Variants in RAB3C observed in about 807,000 individuals in gnomAD.
RAB3C encodes the protein ras-related protein Rab-3C.
RAB3C carries 17 observed loss-of-function variants against 26.4 expected under a neutral mutation model. The ratio of observed to expected loss-of-function variants is 0.64; its 90% CI spans 0.44 to 0.97. RAB3C has a LOEUF of 0.97. RAB3C is among the 50% of genes least tolerant of loss of function. The pLI is 0.00. For synonymous variants in RAB3C, 91 were observed against 95.9 expected (o/e 0.95, Z 0.30); for missense variants, 242 against 281.9 (o/e 0.86, Z 1.01).
intron 1 of RAB3C, among the ~76,000 whole-genome samples, chr5:58,602,743 G>A (rs562332319): frequency 1.3e-5 from 2 of 152,266 alleles, no homozygotes; most frequent in African/African-American, 2.4e-5. Context: ...TGTTTTAGGG[G>A]AGTCTCCTAA....
chr5:58,839,531 C>T (rs1338073663), intron 4 of RAB3C, among the ~76,000 whole-genome samples: 2 of 151,828 alleles, frequency 1.3e-5, no homozygotes, highest in East Asian at 1.9e-4. Context: ...CCACCATGCC[C>T]GGCTAATTTT....
At chr5:58,619,182 C>T (rs938524875) in intron 2 of RAB3C, among the ~76,000 whole-genome samples, 1 of 152,266 alleles carries the variant, frequency 6.6e-6, no homozygotes, top group African/African-American at 2.4e-5. Context: ...ACTCTAGAGT[C>T]TTTCAAATCT....
chr5:58,816,811 A>G (rs1261529097), intron 3 of RAB3C, among the ~76,000 whole-genome samples: 1 of 152,188 alleles, frequency 6.6e-6, no homozygotes, highest in Non-Finnish European at 1.5e-5. Flanking sequence ...AGATGAAACT[A>G]GAAGCTAGAA....
intron 3 of RAB3C, among the ~76,000 whole-genome samples, chr5:58,751,712 T>G (rs754591312): frequency 6.6e-6 from 1 of 152,228 alleles, no homozygotes; most frequent in Non-Finnish European, 1.5e-5. Context: ...TCATATTACT[T>G]GAATGAAGAG....
chr5:58,655,112 T>G (rs948679326), intron 2 of RAB3C, among the ~76,000 whole-genome samples: 1 of 152,208 alleles, frequency 6.6e-6, no homozygotes, highest in African/African-American at 2.4e-5. Flanking sequence ...ACAGCTTTGC[T>G]CTCATGCCTC....
intron 3 of RAB3C, among the ~76,000 whole-genome samples, chr5:58,785,430 G>A (rs1321170309): frequency 7.2e-5 from 11 of 152,176 alleles, no homozygotes; most frequent in African/African-American, 2.7e-4. Flanking sequence ...GTAAAAATTT[G>A]CCCTACTTCT....
chr5:58,813,617 TATATATATATATATATACAC>T (rs57740958), intron 3 of RAB3C, among the ~76,000 whole-genome samples: 1,866 of 45,764 alleles, frequency 0.041, 78 homozygotes, highest in African/African-American at 0.15. Context: ...TATATATATA[TATATATATATATATATACAC>T]ACACACACAC....
chr5:58,704,075 T>C (rs964591470), intron 2 of RAB3C, among the ~76,000 whole-genome samples: 3 of 152,186 alleles, frequency 2.0e-5, no homozygotes, highest in African/African-American at 7.2e-5. Flanking sequence ...TGATTCCAAG[T>C]CCTAAGCCCT....
Position 58,726,022 on chromosome 5 carries a change from A to G in RAB3C, c.273A>G (p.Arg91=), listed in dbSNP as rs746644672. ...LQIWDTAGQE[R]YRTITTAYYR... ...TTTAGGACACAGCAGGCCAGGAAAG[A>G]TACAGGACTATCACCACAGCCTATT... The change falls in exon 3 of 5, where the codon AGA becomes AGG. Residue 91 remains arginine, a synonymous_variant. Coordinates refer to ENST00000282878, the MANE Select transcript of RAB3C (RefSeq NM_138453.4). 2 of 1,601,642 alleles carry G rather than the reference A, an allele frequency of 1.2e-6. No homozygotes were observed. Among genetic ancestry groups the G allele is most frequent in the East Asian group, 2.2e-5 (1 of 44,600 alleles).
At chr5:58,609,196 A>C (rs761460276) in intron 1 of RAB3C, among the ~76,000 whole-genome samples, 1 of 152,190 alleles carries the variant, frequency 6.6e-6, no homozygotes, top group Non-Finnish European at 1.5e-5. Context: ...AATAAAGAAA[A>C]GAAAAACCTG....
chr5:58,837,361 T>C (rs1163358096), intron 4 of RAB3C, among the ~76,000 whole-genome samples: 1 of 152,004 alleles, frequency 6.6e-6, no homozygotes, highest in Non-Finnish European at 1.5e-5. Context: ...TTTATATTTT[T>C]AGTAGAGATG....
intron 3 of RAB3C, among the ~76,000 whole-genome samples, chr5:58,805,273 G>A (rs1742910413): frequency 1.3e-5 from 2 of 151,920 alleles, no homozygotes; most frequent in South Asian, 2.1e-4. Context: ...TTAGAATTAA[G>A]AGCCAAATGG....
chr5:58,716,367 T>TA (rs34712082), intron 2 of RAB3C, among the ~76,000 whole-genome samples: 16 of 151,724 alleles, frequency 1.1e-4, no homozygotes, highest in Admixed American at 2.0e-4. Context: ...AAAGCCAAAG[T>TA]AAAAAAAACT....
rs911973966 is a variant in RAB3C, at chr5:58,855,430, T to C, written c.*4079T>C. 2 of 152,172 alleles carry C rather than the reference T, an allele frequency of 1.3e-5. No homozygotes were observed. Among genetic ancestry groups the C allele is most frequent in the Non-Finnish European group, 2.9e-5 (2 of 68,024 alleles). 9.4% of individuals were successfully genotyped at this position (152,172 alleles called of 1,614,324 possible). ...AGAACCCTTTCTCTCACAATTACAG[T>C]TTGCATGACTAGAACCCGGAACTCT... On this transcript the variant is annotated 3_prime_UTR_variant, in exon 5 of 5. Coordinates refer to ENST00000282878, the MANE Select transcript of RAB3C (RefSeq NM_138453.4).
chr5:58,771,849 C>CTTTTTTTTTTTTTTTTTTTT (rs540125417), intron 3 of RAB3C, among the ~76,000 whole-genome samples: 2 of 131,936 alleles, frequency 1.5e-5, no homozygotes, highest in African/African-American at 2.8e-5. Context: ...TTTTCTTTTT[C>CTTTTTTTTTTTTTTTTTTTT]TTTTTTTTTT....
rs187585557 is a variant in RAB3C at position 58,586,159 on chromosome 5, T to C, written c.24+2927T>C. On this transcript the variant is annotated intron_variant, in intron 1 of 4. Transcript: ENST00000282878. Reference sequence around the variant, plus strand: ...ACAATTTTTATATGTATATATACTATATAACAATCATACATATCTATGGAT... The same window carrying C: ...ACAATTTTTATATGTATATATACTACATAACAATCATACATATCTATGGAT... 5.3e-5 allele frequency among the ~76,000 whole-genome samples: 8 copies of C among 152,200 alleles called. No individual in the cohort carries two copies. The East Asian group carries it at 1.5e-3, about 29-fold the overall frequency.
rs191702959 is a variant in RAB3C, at chr5:58,851,968, T to C, written c.*617T>C. 6.6e-6 allele frequency: 1 copy of C among 152,296 alleles called. No homozygotes were observed. The highest frequency in any genetic ancestry group is 6.5e-5 in the Admixed American group (1 of 15,298). 9.4% of individuals were successfully genotyped at this position (152,296 alleles called of 1,614,324 possible). On this transcript the variant is annotated 3_prime_UTR_variant, in exon 5 of 5. Coordinates refer to ENST00000282878, the MANE Select transcript of RAB3C (RefSeq NM_138453.4). ...CTATAAAGAAATTGAAATGTTGTTT[T>C]TAAGGTCCTTGCAATTTTCCTAAGT...
At chr5:58,583,761 C>T (rs879672038) in intron 1 of RAB3C, among the ~76,000 whole-genome samples, 4 of 152,176 alleles carry the variant, frequency 2.6e-5, no homozygotes, top group Admixed American at 6.5e-5. Flanking sequence ...ATAGCAAACA[C>T]ATCGGGGCTT....
intron 4 of RAB3C, chr5:58,848,520 G>A (rs1447013011): frequency 6.6e-6 from 1 of 152,098 alleles, no homozygotes; most frequent in Non-Finnish European, 1.5e-5. Context: ...AGCAAATTAC[G>A]GAGCCATTTT....
Sources: gnomAD v4.1 joint callset for allele counts (sites outside exome capture counted in the v4.1 genomes callset) on GRCh38, gnomAD v4.1.1 for gene constraint, MANE v1.5 for transcripts, NCBI Gene and HGNC (gene_info 2026-07-23, HGNC 2026-07-21) for gene names.